Variants in KLHDC1 observed in about 807,000 individuals in gnomAD.
KLHDC1 encodes the protein kelch domain-containing protein 1.
In KLHDC1, 53 loss-of-function variants were observed where a neutral mutation model predicts 68.3. That is an observed-to-expected ratio of 0.78 (90% CI 0.62 to 0.98). KLHDC1 has a LOEUF of 0.98. Ranked by LOEUF, KLHDC1 falls within the 50% of genes least tolerant of loss-of-function variation. The pLI, the probability that KLHDC1 is intolerant of heterozygous loss-of-function variation, is 0.00. For synonymous variants in KLHDC1, 148 were observed against 159.0 expected (o/e 0.93, Z 0.52); for missense variants, 470 against 492.3 (o/e 0.95, Z 0.43).
intron 4 of KLHDC1, among the ~76,000 whole-genome samples, chr14:49,716,142 C>G (rs1036032912): frequency 3.3e-5 from 5 of 152,180 alleles, no homozygotes; most frequent in Non-Finnish European, 5.9e-5. Flanking sequence ...AACTCTGTCT[C>G]TGAACCTAGC....
intron 1 of KLHDC1, among the ~76,000 whole-genome samples, chr14:49,704,584 C>G (rs1465843975): frequency 1.3e-5 from 2 of 151,476 alleles, no homozygotes; most frequent in Admixed American, 1.3e-4. Context: ...TAGTAGAGGC[C>G]AGAGTTTCAC....
chr14:49,747,872 AC>A (rs1889236128), intron 12 of KLHDC1, among the ~76,000 whole-genome samples: 1 of 152,274 alleles, frequency 6.6e-6, no homozygotes, highest in East Asian at 1.9e-4. Context: ...AAAGGAGATG[AC>A]TGGCTGAATT....
intron 10 of KLHDC1, among the ~76,000 whole-genome samples, chr14:49,737,522 A>G (rs1338067913): frequency 6.6e-6 from 1 of 152,164 alleles, no homozygotes; most frequent in Non-Finnish European, 1.5e-5. Context: ...ATAAGTTATG[A>G]TTTATAATTG....
intron 11 of KLHDC1, among the ~76,000 whole-genome samples, chr14:49,743,330 T>C (rs1000946107): frequency 2.0e-5 from 3 of 147,946 alleles, no homozygotes; most frequent in Non-Finnish European, 4.5e-5. Flanking sequence ...AACCTGGGAG[T>C]TGGAGGTTGC....
chr14:49,697,862 G>A (rs1377161004), intron 1 of KLHDC1, among the ~76,000 whole-genome samples: 3 of 152,142 alleles, frequency 2.0e-5, no homozygotes, highest in Admixed American at 6.6e-5. Context: ...TATAAATAAG[G>A]AAAAGGAGTC....
chr14:49,724,758 A>G (rs1045196399), intron 5 of KLHDC1, among the ~76,000 whole-genome samples: 9 of 151,430 alleles, frequency 5.9e-5, no homozygotes, highest in African/African-American at 9.7e-5. Context: ...AAATAACTCA[A>G]TTTTTTTCTC....
At chr14:49,714,135 C>T (rs1244705776) in intron 4 of KLHDC1, among the ~76,000 whole-genome samples, 1 of 151,088 alleles carries the variant, frequency 6.6e-6, no homozygotes, top group Admixed American at 6.6e-5. Flanking sequence ...ATGTAAGACA[C>T]TGTGCTCAGC....
chr14:49,700,237 G>C (rs1887865594), intron 1 of KLHDC1: 1 of 182,424 alleles, frequency 5.5e-6, no homozygotes, highest in Admixed American at 6.2e-5. Context: ...ATGTTGGTCA[G>C]GCTGGTCTCG....
At chr14:49,736,397 A>G (rs917952809) in intron 10 of KLHDC1, among the ~76,000 whole-genome samples, 1 of 152,136 alleles carries the variant, frequency 6.6e-6, no homozygotes, top group Non-Finnish European at 1.5e-5. Context: ...ATGTCACCAA[A>G]ATCAAGGCAG....
chr14:49,735,565 A>G (rs904453800), intron 10 of KLHDC1, among the ~76,000 whole-genome samples: 1 of 152,150 alleles, frequency 6.6e-6, no homozygotes, highest in Non-Finnish European at 1.5e-5. Context: ...ATGTATAAAA[A>G]TTCATTGGAA....
chr14:49,699,161 C>CAAAAAAAA (rs34856234), intron 1 of KLHDC1, among the ~76,000 whole-genome samples: 1 of 107,806 alleles, frequency 9.3e-6, no homozygotes, highest in Admixed American at 9.9e-5. Context: ...AAGACTGTCT[C>CAAAAAAAA]AAAAAAAAAA....
intron 6 of KLHDC1, among the ~76,000 whole-genome samples, chr14:49,728,198 C>G (rs1254077743): frequency 1.3e-5 from 2 of 152,166 alleles, no homozygotes; most frequent in Non-Finnish European, 2.9e-5. Context: ...TGTTGCACAC[C>G]TGTAATCCCA....
rs200915752 is a variant in KLHDC1 at position 49,693,282 on chromosome 14, G to C, written c.88G>C (p.Gly30Arg). 1 of 1,550,134 alleles carries C rather than the reference G, an allele frequency of 6.5e-7. No individual in the cohort carries two copies. The highest frequency in any genetic ancestry group is 8.7e-7 in the Non-Finnish European group (1 of 1,149,666). Residue 30 changes from glycine (G) to arginine (R), a missense_variant, in exon 1 of 13, where the codon GGC becomes CGC. Transcript: ENST00000359332. ...VDGNFLYVWG[G>R]YVSIEDNEVY... ...CGGAAACTTCCTCTACGTGTGGGGGGGCTACGTGGTAAGGGGAAGAGGCGG... is the reference window on the plus strand; with the variant it reads ...CGGAAACTTCCTCTACGTGTGGGGGCGCTACGTGGTAAGGGGAAGAGGCGG...
At chr14:49,704,150 C>G (rs774322255) in intron 1 of KLHDC1, among the ~76,000 whole-genome samples, 2 of 152,168 alleles carry the variant, frequency 1.3e-5, no homozygotes, top group Non-Finnish European at 2.9e-5. Flanking sequence ...GTGAGTGTGA[C>G]ATGATAGTTC....
intron 12 of KLHDC1, among the ~76,000 whole-genome samples, chr14:49,750,136 G>T (rs539602488): frequency 6.6e-6 from 1 of 152,276 alleles, no homozygotes; most frequent in Admixed American, 6.5e-5. Context: ...GTATTGTGAT[G>T]ATTCCTGCTT....
chr14:49,720,047 C>T (rs1398402984), intron 4 of KLHDC1, among the ~76,000 whole-genome samples: 5 of 150,056 alleles, frequency 3.3e-5, no homozygotes, highest in East Asian at 4.0e-4. Flanking sequence ...AGTGCAGTGG[C>T]GCGATCTTGG....
intron 4 of KLHDC1, among the ~76,000 whole-genome samples, chr14:49,713,604 G>A (rs980310902): frequency 4.6e-5 from 7 of 150,898 alleles, no homozygotes; most frequent in African/African-American, 1.7e-4. Context: ...ATTTGATGTC[G>A]GCCTGCCCTA....
At chr14:49,739,739 G>T (rs1342925241) in intron 10 of KLHDC1, among the ~76,000 whole-genome samples, 1 of 152,116 alleles carries the variant, frequency 6.6e-6, no homozygotes, top group Non-Finnish European at 1.5e-5. Flanking sequence ...AATATTGAAG[G>T]ATATAGTAGA....
chr14:49,713,809 TATATATATATATATATATA>T (rs1888274128), intron 4 of KLHDC1, among the ~76,000 whole-genome samples: 1 of 26,806 alleles, frequency 3.7e-5, no homozygotes, highest in Non-Finnish European at 5.2e-5. Context: ...TATATATATA[TATATATATATATATATATA>T]TATATATATA....
Sources: gnomAD v4.1 joint callset for allele counts (sites outside exome capture counted in the v4.1 genomes callset) on GRCh38, gnomAD v4.1.1 for gene constraint, MANE v1.5 for transcripts, NCBI Gene and HGNC (gene_info 2026-07-23, HGNC 2026-07-21) for gene names.